GPR158: variants seen among roughly 807,000 people sequenced by gnomAD.
The protein encoded by GPR158 is metabotropic glycine receptor.
GPR158 carries 30 observed loss-of-function variants against 78.2 expected under a neutral mutation model. That is an observed-to-expected ratio of 0.38 (90% CI 0.29 to 0.52). The LOEUF (loss-of-function observed/expected upper bound fraction) is 0.52, where lower values mean the gene tolerates loss of function less well. Among genes scored for constraint, GPR158 ranks in the 20% least tolerant of loss-of-function variants. GPR158 has a pLI of 0.83. For missense variants in GPR158, 1,463 were observed against 1,523.5 expected (o/e 0.96, Z 0.66); for synonymous variants, 581 against 591.1 (o/e 0.98, Z 0.25).
At chr10:25,264,214 G>A (rs1854009360) in intron 2 of GPR158, among the ~76,000 whole-genome samples, 1 of 152,150 alleles carries the variant, frequency 6.6e-6, no homozygotes, top group South Asian at 2.1e-4. Flanking sequence ...GTAACCAATA[G>A]AATAAGACCA....
intron 2 of GPR158, among the ~76,000 whole-genome samples, chr10:25,278,743 ATAAT>A (rs963827135): frequency 6.0e-4 from 91 of 151,656 alleles, no homozygotes; most frequent in Admixed American, 8.5e-4. Context: ...AATTAATTAA[ATAAT>A]TAAAGTATTT....
At chr10:25,584,319 G>A (rs1389190744) in intron 7 of GPR158, among the ~76,000 whole-genome samples, 4 of 152,120 alleles carry the variant, frequency 2.6e-5, no homozygotes, top group South Asian at 2.1e-4. Flanking sequence ...TTAATTATAC[G>A]AAACTGATTT....
intron 2 of GPR158, among the ~76,000 whole-genome samples, chr10:25,355,656 G>T (rs2130525703): frequency 6.6e-6 from 1 of 152,082 alleles, no homozygotes; most frequent in Admixed American, 6.6e-5. Context: ...TATTGGATCT[G>T]TTTGCTTAAA....
intron 4 of GPR158, among the ~76,000 whole-genome samples, chr10:25,426,435 T>C (rs1564452456): frequency 1.3e-5 from 2 of 152,156 alleles, no homozygotes; most frequent in Non-Finnish European, 2.9e-5. Flanking sequence ...TCCCTAAGTG[T>C]AATCATTTCT....
At chr10:25,285,319 C>T (rs1321986836) in intron 2 of GPR158, among the ~76,000 whole-genome samples, 1 of 151,428 alleles carries the variant, frequency 6.6e-6, no homozygotes, top group Non-Finnish European at 1.5e-5. Flanking sequence ...ATGTGTCTGT[C>T]TGTCATCTAG....
rs1024170614 is a variant in GPR158, at chr10:25,298,234, A to G, written c.1008+77077A>G. On this transcript the variant is annotated intron_variant, in intron 2 of 10. Transcript: ENST00000376351. The stretch of plus-strand genomic sequence containing the variant: ...ATCTCTGCTTGAATTTTGCCACTTT[A>G]ATTCTTGTTTTCGTATTTTATTACT... Among the ~76,000 whole-genome samples the G allele has an allele frequency of 5.3e-5, 8 of 152,218 alleles. No individual in the cohort carries two copies. In the South Asian group the frequency reaches 8.3e-4, roughly 16 times the overall value.
intron 5 of GPR158, among the ~76,000 whole-genome samples, chr10:25,526,301 G>A (rs986778662): frequency 6.6e-6 from 1 of 152,106 alleles, no homozygotes; most frequent in Admixed American, 6.5e-5. Context: ...AACTGCACTA[G>A]GTAGGGGGCT....
At chr10:25,391,696 A>G (rs899860973) in intron 2 of GPR158, among the ~76,000 whole-genome samples, 5 of 152,158 alleles carry the variant, frequency 3.3e-5, no homozygotes, top group Non-Finnish European at 7.3e-5. Context: ...CCCAGATTAG[A>G]CATTGGACTG....
chr10:25,284,424 A>G (rs1854318540), intron 2 of GPR158, among the ~76,000 whole-genome samples: 2 of 151,790 alleles, frequency 1.3e-5, no homozygotes, highest in African/African-American at 4.8e-5. Flanking sequence ...ACTTTTTCTG[A>G]TATTAATATG....
At chr10:25,443,190 T>TC (rs1251984904) in intron 4 of GPR158, among the ~76,000 whole-genome samples, 1 of 152,036 alleles carries the variant, frequency 6.6e-6, no homozygotes, top group Non-Finnish European at 1.5e-5. Context: ...GTTCAAGTGA[T>TC]CCCCCATGCT....
intron 6 of GPR158, among the ~76,000 whole-genome samples, chr10:25,566,469 C>T (rs1836930574): frequency 6.6e-6 from 1 of 152,162 alleles, no homozygotes; most frequent in Non-Finnish European, 1.5e-5. Flanking sequence ...TAAGATTCTA[C>T]TTTAATAGTC....
chr10:25,324,802 A>C (rs1460255629), intron 2 of GPR158, among the ~76,000 whole-genome samples: 2 of 148,276 alleles, frequency 1.3e-5, no homozygotes, highest in Non-Finnish European at 3.0e-5. Flanking sequence ...TAAAATATAT[A>C]TTAGGTAATT....
chr10:25,246,794 TAAG>T (rs1334015964), intron 2 of GPR158, among the ~76,000 whole-genome samples: 1 of 152,334 alleles, frequency 6.6e-6, no homozygotes, highest in African/African-American at 2.4e-5. Flanking sequence ...AGCTGATTGA[TAAG>T]AAGGATTTTT....
chr10:25,439,173 A>G (rs998341390), intron 4 of GPR158, among the ~76,000 whole-genome samples: 2 of 152,184 alleles, frequency 1.3e-5, no homozygotes, highest in Admixed American at 1.3e-4. Flanking sequence ...AAAGAAAGAG[A>G]TTTAATAGAC....
At chr10:25,492,871 A>G (rs1835828920) in intron 5 of GPR158, among the ~76,000 whole-genome samples, 1 of 148,422 alleles carries the variant, frequency 6.7e-6, no homozygotes, top group Non-Finnish European at 1.5e-5. Context: ...ATATTAATAT[A>G]TAATTGATAT....
At chr10:25,250,696 G>C (rs1853782617) in intron 2 of GPR158, among the ~76,000 whole-genome samples, 1 of 146,766 alleles carries the variant, frequency 6.8e-6, no homozygotes, top group Non-Finnish European at 1.5e-5. Context: ...TATAATTTCT[G>C]TTCTTTTACA....
intron 2 of GPR158, among the ~76,000 whole-genome samples, chr10:25,386,547 A>G (rs1196140227): frequency 6.6e-6 from 1 of 152,154 alleles, no homozygotes. Context: ...TATTTTAACA[A>G]TATTAAGTCT....
Position 25,395,953 on chromosome 10 carries a change from G to C in GPR158, c.1051G>C (p.Glu351Gln). ...KGLGFVLGAYECICKAGFYHP... is the reference protein window; with the variant it reads ...KGLGFVLGAYQCICKAGFYHP... The stretch of plus-strand genomic sequence containing the variant: ...CCTAGGATTCGTTCTTGGAGCCTAT[G>C]AGTGCATTTGCAAAGCAGGATTCTA... The change falls in exon 3 of 11, where the codon GAG becomes CAG. Residue 351 changes from glutamate (E) to glutamine (Q), a missense_variant. Physicochemically the swap from Glu to Gln is conservative, Grantham distance 29. Transcript: ENST00000376351. The C allele has an allele frequency of 6.2e-7, 1 of 1,609,616 alleles. No homozygotes were observed. The highest frequency in any genetic ancestry group is 8.5e-7 in the Non-Finnish European group (1 of 1,176,006).
intron 2 of GPR158, among the ~76,000 whole-genome samples, chr10:25,246,859 T>C (rs1472332905): frequency 1.3e-5 from 2 of 152,176 alleles, no homozygotes; most frequent in African/African-American, 2.4e-5. Context: ...TTTATTATGG[T>C]TTAATATGTT....
Sources: gnomAD v4.1 joint callset for allele counts (sites outside exome capture counted in the v4.1 genomes callset) on GRCh38, gnomAD v4.1.1 for gene constraint, MANE v1.5 for transcripts, NCBI Gene and HGNC (gene_info 2026-07-23, HGNC 2026-07-21) for gene names.